The following CACNA1E variants were observed in gnomAD, a reference collection of about 807,000 sequenced individuals.
CACNA1E encodes the protein calcium voltage-gated channel subunit alpha1 E, also known as voltage-dependent R-type calcium channel subunit alpha-1E.
Under a neutral mutation model 259.2 loss-of-function variants are expected in CACNA1E, and 40 were observed. That is an observed-to-expected ratio of 0.15 (90% CI 0.12 to 0.20). The LOEUF (loss-of-function observed/expected upper bound fraction) is 0.20, where lower values mean the gene tolerates loss of function less well. Ranked by LOEUF, CACNA1E falls within the 10% of genes least tolerant of loss-of-function variation. CACNA1E has a pLI of 1.00. For missense variants in CACNA1E, 1,874 were observed against 3,040.1 expected, an observed-to-expected ratio of 0.62 and a Z score of 9.02; for synonymous variants, 1,104 against 1,138.5, an observed-to-expected ratio of 0.97 and a Z score of 0.61.
At chr1:181,394,253 C>T (rs1347579941) in intron 1 of CACNA1E, among the ~76,000 whole-genome samples, 1 of 152,198 alleles carries the variant, frequency 6.6e-6, no homozygotes, top group Non-Finnish European at 1.5e-5. Flanking sequence ...CTTAACTTCT[C>T]TGAGCCTTGT....
rs75960481 is a variant in CACNA1E at position 181,508,125 on chromosome 1, G to A, written c.267-2352G>A. Among the ~76,000 whole-genome samples, 1,458 of 149,350 alleles carry A rather than the reference G, an allele frequency of 9.8e-3. 14 individuals are homozygous for A. Among genetic ancestry groups the A allele is most frequent in the Admixed American group, 0.015 (224 of 15,028 alleles). On this transcript the variant is annotated intron_variant, in intron 1 of 47. Transcript: ENST00000367573. ...ACAAGGTGAAGCAAGTTTGGGAAAT[G>A]TTGTGTGCTGTCCCAAACGCCTTGT... is the stretch of plus-strand genomic sequence containing the variant.
At chr1:181,438,202 C>T (rs1162201826) in intron 2 of CACNA1E, among the ~76,000 whole-genome samples, 2 of 152,216 alleles carry the variant, frequency 1.3e-5, no homozygotes, top group Non-Finnish European at 2.9e-5. Flanking sequence ...TGTCTCAGAA[C>T]ATGATATGCA....
In CACNA1E at chr1:181,330,583, G is replaced by C. The variant is rs988071530; in HGVS notation, c.-15+12460G>C. Among the ~76,000 whole-genome samples, 3 of 152,226 alleles carry C rather than the reference G, an allele frequency of 2.0e-5. No individual in the cohort carries two copies. The East Asian group carries it at 5.8e-4, about 29-fold the overall frequency. ...GTCCCCCTTGGGTGGGGCAAGGCCT[G>C]CTGGCACCTGAGAAATCATTGCTGA... On this transcript the variant is annotated intron_variant, in intron 1 of 11. Transcript: ENST00000524607.
intron 3 of CACNA1E, among the ~76,000 whole-genome samples, chr1:181,533,170 G>T (rs2102740160): frequency 6.6e-6 from 1 of 151,952 alleles, no homozygotes; most frequent in Non-Finnish European, 1.5e-5. Context: ...TAAAATCCAA[G>T]ACTCTGATGA....
chr1:181,714,462 C>T (rs888062814), intron 8 of CACNA1E, among the ~76,000 whole-genome samples: 1 of 152,100 alleles, frequency 6.6e-6, no homozygotes, highest in Non-Finnish European at 1.5e-5. Context: ...GCATGCCCAT[C>T]ATTACATAGG....
intron 2 of CACNA1E, among the ~76,000 whole-genome samples, chr1:181,472,521 A>G (rs1048888871): frequency 4.6e-5 from 7 of 151,996 alleles, no homozygotes; most frequent in Non-Finnish European, 1.0e-4. Flanking sequence ...TTTTTTAAAA[A>G]AGGAAGTTGT....
chr1:181,545,177 T>C (rs1313775290), intron 3 of CACNA1E, among the ~76,000 whole-genome samples: 2 of 152,140 alleles, frequency 1.3e-5, no homozygotes. Context: ...AGGACAGTAG[T>C]TACTCCCAGA....
intron 6 of CACNA1E, among the ~76,000 whole-genome samples, chr1:181,631,543 G>C (rs1008916974): frequency 2.0e-5 from 3 of 152,158 alleles, no homozygotes; most frequent in Non-Finnish European, 4.4e-5. Flanking sequence ...TGCCTGGAGT[G>C]TGTTCAGGAT....
At chr1:181,682,053 C>T (rs1411744076) in intron 7 of CACNA1E, among the ~76,000 whole-genome samples, 1 of 152,294 alleles carries the variant, frequency 6.6e-6, no homozygotes, top group East Asian at 1.9e-4. Flanking sequence ...TTTGCCAGAA[C>T]TGGTCATGTG....
Position 181,798,709 on chromosome 1 carries a change from C to A in CACNA1E, c.6817C>A (p.Arg2273=), listed in dbSNP as rs1047211592. Residue 2273 remains arginine, a synonymous_variant, in exon 48 of 48, where the codon CGG becomes AGG. Coordinates refer to ENST00000367573, the MANE Select transcript of CACNA1E (RefSeq NM_001205293.3). This position sits in a 1 kb window ranked among gnomAD's most constrained non-coding sequence, Gnocchi z 4.2. ...SNTIGSAPPL[R]HSWQMPNGHY... is the part of the protein sequence containing the mutation. The stretch of plus-strand genomic sequence containing the variant: ...CACCATCGGCTCAGCCCCACCCCTG[C>A]GGCATAGCTGGCAGATGCCCAACGG... 1 of 1,608,428 alleles carries A rather than the reference C, an allele frequency of 6.2e-7. No individual in the cohort carries two copies. The highest frequency in any genetic ancestry group is 8.5e-7 in the Non-Finnish European group (1 of 1,176,598).
intron 6 of CACNA1E, among the ~76,000 whole-genome samples, chr1:181,607,520 G>T (rs986006838): frequency 2.6e-5 from 4 of 152,144 alleles, no homozygotes; most frequent in African/African-American, 9.7e-5. Flanking sequence ...AGCCTGAACT[G>T]CTTGAGTTAT....
chr1:181,440,051 C>A (rs1446674676), intron 2 of CACNA1E, among the ~76,000 whole-genome samples: 1 of 152,178 alleles, frequency 6.6e-6, no homozygotes, highest in Non-Finnish European at 1.5e-5. Context: ...TTATAGAATG[C>A]TTTAGACCTT....
intron 1 of CACNA1E, among the ~76,000 whole-genome samples, chr1:181,379,456 T>A (rs983871088): frequency 6.6e-6 from 1 of 152,230 alleles, no homozygotes; most frequent in African/African-American, 2.4e-5. Flanking sequence ...AAAACCACTA[T>A]GTTTTAGTCG....
intron 3 of CACNA1E, among the ~76,000 whole-genome samples, chr1:181,519,971 T>C (rs1666869261): frequency 6.6e-6 from 1 of 152,050 alleles, no homozygotes; most frequent in Non-Finnish European, 1.5e-5. Flanking sequence ...TGAAACTTCA[T>C]TTATGAAGTG....
chr1:181,410,366 G>A (rs934261511), intron 1 of CACNA1E, among the ~76,000 whole-genome samples: 1 of 152,116 alleles, frequency 6.6e-6, no homozygotes, highest in African/African-American at 2.4e-5. Flanking sequence ...GGCCTTGGTG[G>A]CCAAGTACCG....
intron 46 of CACNA1E, 135 bp from the exon 47 acceptor site, chr1:181,796,533 G>C (rs75602639): frequency 1.9e-5 from 11 of 578,316 alleles, no homozygotes; most frequent in South Asian, 1.7e-4. Context: ...TTTGAATTTG[G>C]GGGGGGACAC....
intron 3 of CACNA1E, among the ~76,000 whole-genome samples, chr1:181,565,298 C>T (rs796323083): frequency 3.9e-5 from 6 of 152,318 alleles, no homozygotes; most frequent in African/African-American, 1.4e-4. Flanking sequence ...AAAACTGCCA[C>T]GCTGCAGGCA....
rs575600119 is a variant in CACNA1E at position 181,528,148 on chromosome 1, G to T, written c.512+16638G>T. 2.0e-3 allele frequency among the ~76,000 whole-genome samples: 212 copies of T among 104,664 alleles called. 1 individual carries two copies. Among genetic ancestry groups the T allele is most frequent in the Admixed American group, 0.013 (136 of 10,760 alleles). The allele number at this position is 104,664 out of a possible 152,430, so 68.7% of individuals were successfully genotyped here. ...ACATGTTGTGGGAGGGGCCCGGGGT[G>T]GGGGGGGCAGTAATTGAATCATGGG... On this transcript the variant is annotated intron_variant, in intron 3 of 47. Transcript: ENST00000367573.
chr1:181,641,865 C>T (rs942389029), intron 6 of CACNA1E, among the ~76,000 whole-genome samples: 1 of 151,792 alleles, frequency 6.6e-6, no homozygotes. Context: ...AGGCATGCGT[C>T]ACCACACCCA....
Sources: allele counts gnomAD v4.1 joint callset (sites outside exome capture counted in the v4.1 genomes callset), GRCh38; gene constraint gnomAD v4.1.1; non-coding constraint Gnocchi (gnomAD v3.1); transcripts MANE v1.5; gene names NCBI Gene and HGNC (gene_info 2026-07-23, HGNC 2026-07-21).